The following NPEPPS variants were observed in gnomAD, a reference collection of about 807,000 sequenced individuals.
The protein encoded by NPEPPS is puromycin-sensitive aminopeptidase.
NPEPPS carries 14 observed loss-of-function variants against 115.5 expected under a neutral mutation model. The ratio of observed to expected loss-of-function variants is 0.12; its 90% confidence interval spans 0.08 to 0.19. The LOEUF (loss-of-function observed/expected upper bound fraction) is 0.19. Among genes scored for constraint, NPEPPS ranks in the 10% least tolerant of loss-of-function variants. The pLI is 1.00. For missense variants in NPEPPS, 523 were observed against 1,110.8 expected, an observed-to-expected ratio of 0.47 and a Z score of 7.52; for synonymous variants, 285 against 390.6, an observed-to-expected ratio of 0.73 and a Z score of 3.19.
intron 2 of NPEPPS, among the ~76,000 whole-genome samples, chr17:47,566,860 A>C (rs1910852663): frequency 6.6e-6 from 1 of 152,120 alleles, no homozygotes; most frequent in Admixed American, 6.5e-5. Context: ...AGATTGCCTG[A>C]ATCCAGGAGT....
rs568063840 is a variant in NPEPPS at position 47,552,347 on chromosome 17, G to T, written c.340+6354G>T. ...CCATTCTCAAATAAACAACCCTTAA[G>T]TATCATTAGTTCAAACTGGAGCCAA... is the stretch of plus-strand genomic sequence containing the variant. On this transcript the variant is annotated intron_variant, in intron 2 of 22. Transcript: ENST00000322157. 3.7e-4 allele frequency among the ~76,000 whole-genome samples: 57 copies of T among 152,236 alleles called. 1 individual carries two copies. The highest frequency in any genetic ancestry group is 1.3e-3 in the African/African-American group (53 of 41,532).
chr17:47,571,241 T>G (rs917153853), intron 3 of NPEPPS, among the ~76,000 whole-genome samples: 1 of 152,198 alleles, frequency 6.6e-6, no homozygotes, highest in Non-Finnish European at 1.5e-5. Context: ...AAAATGATAG[T>G]TATGTCTGGG....
chr17:47,565,280 G>C (rs1428666616), intron 2 of NPEPPS, among the ~76,000 whole-genome samples: 1 of 152,108 alleles, frequency 6.6e-6, no homozygotes, highest in African/African-American at 2.4e-5. Context: ...GGAGGCCGAG[G>C]CTGGTGGATC....
At chr17:47,608,330 C>G (rs1913636926) in intron 17 of NPEPPS, among the ~76,000 whole-genome samples, 5 of 152,252 alleles carry the variant, frequency 3.3e-5, no homozygotes, top group South Asian at 2.1e-4. Context: ...TGGCACACGC[C>G]TGTAGTCCCA....
At chr17:47,577,597 G>T (rs918124523) in intron 3 of NPEPPS, among the ~76,000 whole-genome samples, 9 of 151,994 alleles carry the variant, frequency 5.9e-5, no homozygotes, top group African/African-American at 1.9e-4. Context: ...AGTATTCATT[G>T]TCCTCTTTAG....
rs1340490737 is a variant in NPEPPS, at chr17:47,548,033, T to A, written c.340+2040T>A. On this transcript the variant is annotated intron_variant, in intron 2 of 22. Coordinates refer to ENST00000322157, the MANE Select transcript of NPEPPS (RefSeq NM_006310.4). ...AGAGCGAGACTCCGTCTCAAAAAAATAAATAAATAAATAAAATAAAATAAT... is the reference window on the plus strand; with the variant it reads ...AGAGCGAGACTCCGTCTCAAAAAAAAAAATAAATAAATAAAATAAAATAAT... Among the ~76,000 whole-genome samples the A allele has an allele frequency of 7.4e-4, 113 of 152,170 alleles. 1 individual carries two copies. Among genetic ancestry groups the A allele is most frequent in the East Asian group, 2.9e-3 (15 of 5,180 alleles).
Position 47,622,061 on chromosome 17 carries a change from T to C in NPEPPS, c.*141T>C, listed in dbSNP as rs966019177. On this transcript the variant is annotated 3_prime_UTR_variant, in exon 23 of 23. Coordinates refer to ENST00000322157, the MANE Select transcript of NPEPPS (RefSeq NM_006310.4). ...TTGGACAATGAATGTAGTTAACTGGTTCCTGCTCACACTCCAGAATTAAAT... is the reference window on the plus strand; with the variant it reads ...TTGGACAATGAATGTAGTTAACTGGCTCCTGCTCACACTCCAGAATTAAAT... 1 of 1,294,954 alleles carries C rather than the reference T, an allele frequency of 7.7e-7. No individual in the cohort carries two copies. The highest frequency in any genetic ancestry group is 1.5e-5 in the African/African-American group (1 of 67,234). The allele number at this position is 1,294,954 out of a possible 1,614,324, so 80.2% of individuals were successfully genotyped here. A position where few individuals can be genotyped will look rare whatever the true frequency, so the allele number is the denominator to read the frequency against.
At chr17:47,548,186 T>TA (rs1909374903) in intron 2 of NPEPPS, 1 of 152,194 alleles carries the variant, frequency 6.6e-6, no homozygotes, top group Non-Finnish European at 1.5e-5. Flanking sequence ...ATTTTGTCTA[T>TA]AGAAAGTCAA....
At chr17:47,618,628 G>A (rs1470830853) in intron 20 of NPEPPS, among the ~76,000 whole-genome samples, 171 bp downstream of exon 20, 1 of 152,148 alleles carries the variant, frequency 6.6e-6, no homozygotes, top group Non-Finnish European at 1.5e-5. Context: ...CCCACTAGTG[G>A]CGAGAATCAG....
intron 13 of NPEPPS, among the ~76,000 whole-genome samples, chr17:47,598,488 A>G (rs745771974): frequency 2.0e-5 from 3 of 149,396 alleles, no homozygotes; most frequent in Non-Finnish European, 3.0e-5. Context: ...AAAACAAACA[A>G]TTGGCCAGGC....
intron 17 of NPEPPS, among the ~76,000 whole-genome samples, chr17:47,609,129 C>G (rs573120341): frequency 6.6e-6 from 1 of 151,656 alleles, no homozygotes; most frequent in South Asian, 2.1e-4. Flanking sequence ...TGAACATATG[C>G]GGTAGTAATA....
intron 2 of NPEPPS, among the ~76,000 whole-genome samples, chr17:47,563,059 T>C (rs1910545963): frequency 6.7e-6 from 1 of 150,056 alleles, no homozygotes; most frequent in Non-Finnish European, 1.5e-5. Context: ...TGAGATGGAG[T>C]CTCGCTCTCT....
intron 4 of NPEPPS, chr17:47,581,790 G>A (rs1159238766): frequency 6.6e-6 from 1 of 152,304 alleles, no homozygotes; most frequent in Non-Finnish European, 1.5e-5. Flanking sequence ...CCGCCTCCCA[G>A]GTTCGAGCCA....
chr17:47,572,673 G>A (rs1456610891), intron 3 of NPEPPS, among the ~76,000 whole-genome samples: 1 of 152,164 alleles, frequency 6.6e-6, no homozygotes, highest in East Asian at 1.9e-4. Flanking sequence ...CTTCTAAGCA[G>A]TAGAAAAAAC....
At chr17:47,596,604 G>T (rs1286489978) in intron 13 of NPEPPS, 142 bp downstream of exon 13, 1 of 472,688 alleles carries the variant, frequency 2.1e-6, no homozygotes, top group African/African-American at 2.0e-5. Context: ...TAATTTTACA[G>T]CTTGCATCAT....
intron 1 of NPEPPS, among the ~76,000 whole-genome samples, chr17:47,531,919 A>C (rs1907810749): frequency 6.6e-6 from 1 of 151,874 alleles, no homozygotes; most frequent in African/African-American, 2.4e-5. Context: ...GGGAGGCTGG[A>C]GGGTGTTGGG....
intron 2 of NPEPPS, among the ~76,000 whole-genome samples, chr17:47,554,044 CT>C (rs113155660): frequency 0.45 from 65,271 of 144,564 alleles, 15,236 homozygotes; most frequent in Middle Eastern, 0.56. Context: ...GCCACAGTAT[CT>C]TTTTTTTTTT....
chr17:47,589,625 AT>A (rs1912385297), intron 9 of NPEPPS, among the ~76,000 whole-genome samples: 3 of 152,086 alleles, frequency 2.0e-5, no homozygotes, highest in African/African-American at 2.4e-5. Flanking sequence ...GATCTTTCAA[AT>A]TTTTTTAAAA....
intron 18 of NPEPPS, 55 bp downstream of exon 18, chr17:47,612,657 A>G: frequency 2.8e-6 from 4 of 1,424,756 alleles, no homozygotes; most frequent in Non-Finnish European, 3.8e-6. Flanking sequence ...TTTGTGAAGC[A>G]TGGAACTTTT....
Sources: gnomAD v4.1 joint callset for allele counts (sites outside exome capture counted in the v4.1 genomes callset) on GRCh38, gnomAD v4.1.1 for gene constraint, MANE v1.5 for transcripts, NCBI Gene and HGNC (gene_info 2026-07-23, HGNC 2026-07-21) for gene names.